POFUT3: variants seen among roughly 807,000 people sequenced by gnomAD.
POFUT3 encodes the protein GDP-fucose protein O-fucosyltransferase 3.
At chr8:33,365,456 A>G in the POFUT3 span, among the ~76,000 whole-genome samples, 2 of 152,200 alleles carry the variant, frequency 1.3e-5, no homozygotes, top group African/African-American at 4.8e-5. Flanking sequence ...AGAAACTACC[A>G]TTAGAGTGAA....
the POFUT3 span, among the ~76,000 whole-genome samples, chr8:33,404,534 A>T: frequency 6.6e-6 from 1 of 152,142 alleles, no homozygotes; most frequent in African/African-American, 2.4e-5. Context: ...CATCTTCAGT[A>T]ACAAGTTGAA....
the POFUT3 span, among the ~76,000 whole-genome samples, chr8:33,334,895 C>T: frequency 6.6e-6 from 1 of 152,194 alleles, no homozygotes; most frequent in East Asian, 1.9e-4. Context: ...CGCCTTCTGG[C>T]TATGACCCTA....
chr8:33,326,873 G>A, the POFUT3 span, among the ~76,000 whole-genome samples: 1 of 152,164 alleles, frequency 6.6e-6, no homozygotes, highest in East Asian at 1.9e-4. Context: ...AAACTCCTGG[G>A]CTTATCAGTC....
At chr8:33,459,281 A>G in the POFUT3 span, among the ~76,000 whole-genome samples, 1 of 152,108 alleles carries the variant, frequency 6.6e-6, no homozygotes, top group African/African-American at 2.4e-5. Flanking sequence ...TGGAGGTTTC[A>G]GTGAGCCGAA....
chr8:33,367,718 CT>C, the POFUT3 span, among the ~76,000 whole-genome samples: 63 of 149,040 alleles, frequency 4.2e-4, no homozygotes, highest in Admixed American at 8.0e-4. Context: ...GTAAAACTGG[CT>C]TTTTTTTTTC....
At chr8:33,433,985 C>T in the POFUT3 span, among the ~76,000 whole-genome samples, 1 of 143,678 alleles carries the variant, frequency 7.0e-6, no homozygotes, top group African/African-American at 2.6e-5. Flanking sequence ...AAAAAAAAGC[C>T]GGGTGCAGCG....
the POFUT3 span, among the ~76,000 whole-genome samples, chr8:33,421,277 A>C: frequency 1.3e-5 from 2 of 152,202 alleles, no homozygotes; most frequent in Non-Finnish European, 2.9e-5. Context: ...GTCTTGTTCC[A>C]TTGCAAGGTT....
the POFUT3 span, among the ~76,000 whole-genome samples, chr8:33,450,861 C>T: frequency 6.6e-6 from 1 of 152,016 alleles, no homozygotes; most frequent in Non-Finnish European, 1.5e-5. Flanking sequence ...CTGTGAGTCC[C>T]AAAAAAGTCA....
the POFUT3 span, among the ~76,000 whole-genome samples, chr8:33,434,505 C>A: frequency 6.6e-6 from 1 of 152,196 alleles, no homozygotes; most frequent in Non-Finnish European, 1.5e-5. Flanking sequence ...TCTTTCATGA[C>A]CCTGCTACCT....
At chr8:33,427,423 CA>C in the POFUT3 span, among the ~76,000 whole-genome samples, 1 of 151,596 alleles carries the variant, frequency 6.6e-6, no homozygotes, top group Non-Finnish European at 1.5e-5. Flanking sequence ...ACTAAAAATG[CA>C]AAAAATTAGC....
the POFUT3 span, among the ~76,000 whole-genome samples, chr8:33,422,638 G>T: frequency 1.3e-5 from 2 of 149,060 alleles, no homozygotes; most frequent in African/African-American, 2.5e-5. Flanking sequence ...CTGAGACCTT[G>T]ATCTTATACT....
the POFUT3 span, among the ~76,000 whole-genome samples, chr8:33,370,646 A>G: frequency 3.3e-5 from 5 of 152,356 alleles, no homozygotes; most frequent in East Asian, 1.9e-4. Flanking sequence ...AAGAACTAAG[A>G]TGGAATGAGA....
At chr8:33,461,620 T>C in the POFUT3 span, 1 of 1,530,946 alleles carries the variant, frequency 6.5e-7, no homozygotes. Flanking sequence ...GATCCGAGGT[T>C]GTGAGAGGGT....
the POFUT3 span, among the ~76,000 whole-genome samples, chr8:33,413,356 ACT>A: frequency 6.8e-6 from 1 of 147,640 alleles, no homozygotes; most frequent in African/African-American, 2.5e-5. Context: ...TTGCTCACTC[ACT>A]CTCTTTCTCT....
the POFUT3 span, among the ~76,000 whole-genome samples, chr8:33,398,338 T>A: frequency 6.6e-6 from 1 of 152,206 alleles, no homozygotes; most frequent in Non-Finnish European, 1.5e-5. Context: ...CGTATTTTCA[T>A]GTAGCATGTT....
the POFUT3 span, among the ~76,000 whole-genome samples, chr8:33,376,808 A>G: frequency 7.2e-5 from 11 of 152,222 alleles, no homozygotes; most frequent in Admixed American, 7.2e-4. Flanking sequence ...TGAAGCAAGA[A>G]CAGAACAAAA....
chr8:33,415,922 G>A, the POFUT3 span, among the ~76,000 whole-genome samples: 11 of 152,086 alleles, frequency 7.2e-5, no homozygotes, highest in Admixed American at 7.2e-4. Context: ...CTCCCAAACA[G>A]TTTTTTTAGT....
the POFUT3 span, among the ~76,000 whole-genome samples, chr8:33,424,556 G>A: frequency 1.3e-5 from 2 of 152,136 alleles, no homozygotes; most frequent in South Asian, 2.1e-4. Flanking sequence ...TCCAACCCTC[G>A]AAAGGCCTAG....
At chr8:33,327,800 G>A in the POFUT3 span, among the ~76,000 whole-genome samples, 1 of 152,198 alleles carries the variant, frequency 6.6e-6, no homozygotes, top group Non-Finnish European at 1.5e-5. Context: ...GTTTGCCAGT[G>A]TGTACCGTGA....
Sources: allele counts gnomAD v4.1 joint callset (sites outside exome capture counted in the v4.1 genomes callset), GRCh38; gene constraint gnomAD v4.1.1; transcripts MANE v1.5; gene names NCBI Gene and HGNC (gene_info 2026-07-23, HGNC 2026-07-21).